Variants in ESR1 observed in about 807,000 individuals in gnomAD.
ESR1 encodes estrogen receptor.
ESR1 carries 12 observed loss-of-function variants against 52.7 expected under a neutral mutation model. The observed-to-expected ratio is 0.23, with a 90% confidence interval of 0.15 to 0.37. The LOEUF is 0.37. ESR1 is among the 10% of genes least tolerant of loss of function. ESR1 has a pLI of 1.00. For synonymous variants in ESR1, 305 were observed against 316.8 expected (o/e 0.96, Z 0.39); for missense variants, 584 against 779.7 (o/e 0.75, Z 2.99).
chr6:152,004,358 T>C (rs1483479271), intron 4 of ESR1, among the ~76,000 whole-genome samples: 2 of 151,928 alleles, frequency 1.3e-5, no homozygotes, highest in African/African-American at 4.8e-5. Flanking sequence ...CAAGCAACAG[T>C]TGGGCAGACT....
At chr6:152,051,744 C>T (rs1039790525) in intron 5 of ESR1, among the ~76,000 whole-genome samples, 3 of 152,174 alleles carry the variant, frequency 2.0e-5, no homozygotes, top group Admixed American at 2.0e-4. Flanking sequence ...ACAGGGAGTC[C>T]CTGGTTTTCA....
At chr6:152,031,052 G>A (rs532537199) in intron 5 of ESR1, among the ~76,000 whole-genome samples, 90 of 152,180 alleles carry the variant, frequency 5.9e-4, no homozygotes, top group African/African-American at 2.0e-3. Context: ...GGTACATAAC[G>A]AAATGAAGGC....
intron 3 of ESR1, among the ~76,000 whole-genome samples, chr6:151,929,004 A>G (rs533674661): frequency 1.3e-5 from 2 of 152,332 alleles, no homozygotes; most frequent in Non-Finnish European, 2.9e-5. Flanking sequence ...GTATTCCATC[A>G]GAACTTGAGA....
At chr6:151,976,435 T>C in intron 4 of ESR1, among the ~76,000 whole-genome samples, 1 of 152,034 alleles carries the variant, frequency 6.6e-6, no homozygotes, top group East Asian at 1.9e-4. Context: ...CATATTTCAC[T>C]ATTTTTTTTT....
chr6:151,761,893 AG>A (rs1158246129), intron 2 of ESR1, among the ~76,000 whole-genome samples: 1 of 152,216 alleles, frequency 6.6e-6, no homozygotes, highest in Admixed American at 6.5e-5. Context: ...TAGATCCAGG[AG>A]GGAGTGCAAT....
intron 3 of ESR1, among the ~76,000 whole-genome samples, chr6:151,897,879 T>A (rs1378307064): frequency 6.6e-6 from 1 of 152,248 alleles, no homozygotes; most frequent in Non-Finnish European, 1.5e-5. Context: ...AGTCATGTAG[T>A]GCTGGCTTGG....
chr6:151,793,487 CATAT>C (rs1221788282), intron 2 of ESR1, among the ~76,000 whole-genome samples: 1 of 152,240 alleles, frequency 6.6e-6, no homozygotes, highest in East Asian at 1.9e-4. Context: ...ATAAATTAGT[CATAT>C]AGTCATTTAT....
chr6:151,971,628 T>TA (rs2038921779), intron 4 of ESR1, among the ~76,000 whole-genome samples: 1 of 152,048 alleles, frequency 6.6e-6, no homozygotes, highest in Non-Finnish European at 1.5e-5. Context: ...CGATACAACT[T>TA]ACCAAAACCT....
intron 4 of ESR1, among the ~76,000 whole-genome samples, chr6:151,971,941 A>G (rs2038956182): frequency 6.6e-6 from 1 of 152,210 alleles, no homozygotes; most frequent in African/African-American, 2.4e-5. Flanking sequence ...AGAGGATCCA[A>G]ATAAGCTCAA....
rs1455751791 is a variant in ESR1, at chr6:152,011,735, C to G, written c.1176C>G (p.Val392=). 1 of 1,613,330 alleles carries G rather than the reference C, an allele frequency of 6.2e-7. No homozygotes were observed. Among genetic ancestry groups the G allele is most frequent in the East Asian group, 2.2e-5 (1 of 44,820 alleles). Residue 392 remains valine (V), a synonymous_variant, in exon 5 of 8, where the codon GTC becomes GTG. Coordinates refer to ENST00000206249, the MANE Select transcript of ESR1 (RefSeq NM_000125.4). ...TAGAGATCCTGATGATTGGTCTCGT[C>G]TGGCGCTCCATGGAGCACCCAGGGA... ...AWLEILMIGL[V]WRSMEHPGKL...
At chr6:151,683,261 G>A (rs776963013) in intron 1 of ESR1, among the ~76,000 whole-genome samples, 4 of 152,268 alleles carry the variant, frequency 2.6e-5, no homozygotes, top group South Asian at 2.1e-4. Context: ...TGTAGAGGGA[G>A]GTTTACAAGC....
Position 152,099,081 on chromosome 6 carries a change from A to G in ESR1, c.*115A>G, listed in dbSNP as rs1325359431. ...ACACTCCGGCATGCATCCAACACCA[A>G]TGGCTTTCTAGATGAGTGGCCATTC... On this transcript the variant is annotated 3_prime_UTR_variant, in exon 8 of 8. Transcript: ENST00000206249. 1.9e-5 allele frequency: 15 copies of G among 788,802 alleles called. No individual in the cohort carries two copies. Among genetic ancestry groups the G allele is most frequent in the Non-Finnish European group, 2.4e-5 (11 of 466,104 alleles). 48.9% of individuals were successfully genotyped at this position (788,802 alleles called of 1,614,324 possible).
chr6:151,808,119 C>G lies in ESR1; in HGVS notation c.207C>G (p.Asn69Lys), dbSNP rs146586199. The change falls in exon 1 of 8, where the codon AAC (asparagine) becomes AAG (lysine). Residue 69 changes from asparagine (N) to lysine (K), a missense_variant. Physicochemically the swap from Asn to Lys is moderately conservative, Grantham distance 94 (BLOSUM62 0). Coordinates refer to ENST00000206249, the MANE Select transcript of ESR1 (RefSeq NM_000125.4). ...AYEFNAAAAANAQVYGQTGLP... is the reference protein window; with the variant it reads ...AYEFNAAAAAKAQVYGQTGLP... Reference sequence around the variant, plus strand: ...AGTTCAACGCCGCGGCCGCCGCCAACGCGCAGGTCTACGGTCAGACCGGCC... The same window carrying G: ...AGTTCAACGCCGCGGCCGCCGCCAAGGCGCAGGTCTACGGTCAGACCGGCC... 8.1e-6 allele frequency: 13 copies of G among 1,610,766 alleles called. No individual in the cohort carries two copies. In the Admixed American group the frequency reaches 1.0e-4, roughly 12 times the overall value.
intron 2 of ESR1, among the ~76,000 whole-genome samples, chr6:151,705,334 G>C (rs893667247): frequency 2.0e-5 from 3 of 152,132 alleles, no homozygotes; most frequent in Non-Finnish European, 4.4e-5. Context: ...CCTTTGACCA[G>C]TATAATAGCC....
intron 1 of ESR1, among the ~76,000 whole-genome samples, chr6:151,682,661 T>TATTAGAC (rs368836839): frequency 1.3e-5 from 2 of 152,358 alleles, no homozygotes; most frequent in African/African-American, 4.8e-5. Flanking sequence ...GTGGAAGAGT[T>TATTAGAC]ATTAGACATT....
At chr6:151,704,344 T>A (rs138706966) in intron 2 of ESR1, among the ~76,000 whole-genome samples, 1,876 of 152,240 alleles carry the variant, frequency 0.012, 46 homozygotes, top group African/African-American at 0.043. Flanking sequence ...TTCAAGCGAT[T>A]TTTCCTGCCT....
At position 151,986,885 on chromosome 6, in the gene ESR1, C is replaced by T. The variant is rs548317438; in HGVS notation, c.1097-24771C>T. 3.7e-4 allele frequency among the ~76,000 whole-genome samples: 56 copies of T among 152,040 alleles called. No individual in the cohort carries two copies. The Middle Eastern group carries it at 0.02, about 55-fold the overall frequency. ...CCTCTCAGTTTTTGTTGTATGCTCA[C>T]GGAGTATGTGTGTGAGCATGTGTGT... On this transcript the variant is annotated intron_variant, in intron 4 of 7. Coordinates refer to ENST00000206249, the MANE Select transcript of ESR1 (RefSeq NM_000125.4).
At chr6:151,999,859 T>C (rs2041813268) in intron 4 of ESR1, among the ~76,000 whole-genome samples, 1 of 152,090 alleles carries the variant, frequency 6.6e-6, no homozygotes, top group Admixed American at 6.6e-5. Context: ...AAATATTTTG[T>C]TTTATGCACT....
chr6:151,939,958 A>G (rs558751765), intron 3 of ESR1, among the ~76,000 whole-genome samples: 52 of 152,278 alleles, frequency 3.4e-4, no homozygotes, highest in African/African-American at 1.2e-3. Context: ...GGGACTTTGG[A>G]ATTTGGAAAA....
Sources: allele counts gnomAD v4.1 joint callset (sites outside exome capture counted in the v4.1 genomes callset), GRCh38; gene constraint gnomAD v4.1.1; transcripts MANE v1.5; gene names NCBI Gene and HGNC (gene_info 2026-07-23, HGNC 2026-07-21).